The following KPNA1 variants were observed in gnomAD, a reference collection of about 807,000 sequenced individuals.
KPNA1 encodes karyopherin subunit alpha 1, also known as importin subunit alpha-5.
A neutral mutation model predicts 70.5 loss-of-function variants in KPNA1; 10 were observed. That is an observed-to-expected ratio of 0.14 (90% confidence interval 0.09 to 0.24). The LOEUF (loss-of-function observed/expected upper bound fraction) is 0.24. Among genes scored for constraint, KPNA1 ranks in the 10% least tolerant of loss-of-function variants. The pLI is 1.00. For synonymous variants in KPNA1, 192 were observed against 221.9 expected, an observed-to-expected ratio of 0.87 and a Z score of 1.20; for missense variants, 397 against 637.9, an observed-to-expected ratio of 0.62 and a Z score of 4.07.
intron 9 of KPNA1, among the ~76,000 whole-genome samples, chr3:122,444,856 A>G (rs1261330551): frequency 6.6e-6 from 1 of 152,234 alleles, no homozygotes; most frequent in Non-Finnish European, 1.5e-5. Context: ...AATAGCATCA[A>G]CATCAACAAA....
intron 1 of KPNA1, among the ~76,000 whole-genome samples, chr3:122,510,060 G>A (rs957944645): frequency 2.6e-5 from 4 of 152,116 alleles, no homozygotes; most frequent in Non-Finnish European, 4.4e-5. Flanking sequence ...GAAAACAATA[G>A]AACTATGACT....
intron 10 of KPNA1, 65 bp from the exon 11 acceptor site, chr3:122,437,360 G>A: frequency 1.6e-6 from 2 of 1,216,508 alleles, no homozygotes; most frequent in African/African-American, 1.5e-5. Flanking sequence ...TTAACTTAAG[G>A]AACACATTTT....
intron 2 of KPNA1, among the ~76,000 whole-genome samples, chr3:122,487,884 G>GT (rs1307066499): frequency 6.6e-6 from 1 of 152,064 alleles, no homozygotes; most frequent in African/African-American, 2.4e-5. Flanking sequence ...TTAAAAATGA[G>GT]TAAGAGGAAA....
chr3:122,429,340 A>G (rs918865850), intron 12 of KPNA1, among the ~76,000 whole-genome samples: 6 of 149,700 alleles, frequency 4.0e-5, no homozygotes, highest in African/African-American at 7.4e-5. Context: ...ATTCCCAGCT[A>G]CTTGGGAGGC....
At chr3:122,467,258 T>G (rs1171982198) in intron 3 of KPNA1, 64 bp downstream of exon 3, 2 of 893,258 alleles carry the variant, frequency 2.2e-6, no homozygotes, top group African/African-American at 3.4e-5. Context: ...TTTTTAAAAC[T>G]CAAAAGGAAA....
intron 1 of KPNA1, 122 bp downstream of exon 1, chr3:122,514,635 C>G (rs1457146359): frequency 6.6e-6 from 1 of 152,158 alleles, no homozygotes; most frequent in Non-Finnish European, 1.5e-5. Flanking sequence ...GCCCAGGAAC[C>G]CCGGCTCTAG....
chr3:122,474,505 A>G (rs1044709909), intron 2 of KPNA1, among the ~76,000 whole-genome samples: 1 of 152,218 alleles, frequency 6.6e-6, no homozygotes, highest in Non-Finnish European at 1.5e-5. Context: ...AACAGAATAG[A>G]GAGCCCAGAA....
At chr3:122,446,071 T>G (rs557996687) in intron 9 of KPNA1, among the ~76,000 whole-genome samples, 1 of 152,282 alleles carries the variant, frequency 6.6e-6, no homozygotes, top group African/African-American at 2.4e-5. Context: ...GCAATAATAA[T>G]GGGAGACTTT....
intron 2 of KPNA1, among the ~76,000 whole-genome samples, chr3:122,486,699 T>C (rs2076633377): frequency 6.6e-6 from 1 of 152,150 alleles, no homozygotes; most frequent in South Asian, 2.1e-4. Context: ...GCCATTCTCC[T>C]GCCTCAGCCT....
rs1282209759 is a variant in KPNA1 at position 122,461,285 on chromosome 3, G to A, written c.371C>T (p.Thr124Ile). Reference sequence around the variant, plus strand: ...CACAAACCTGGCCACTACTCCTGGTGTGCTGATAACTTCATCAATAGGAGG... The same window carrying A: ...CACAAACCTGGCCACTACTCCTGGTATGCTGATAACTTCATCAATAGGAGG... ...PNPPIDEVIS[T>I]PGVVARFVEF... is the part of the protein sequence containing the mutation. The change falls in exon 5 of 14, where the codon ACA (threonine) becomes ATA (isoleucine). Residue 124 changes from threonine to isoleucine, a missense_variant. Thr to Ile is a moderately conservative substitution (Grantham distance 89, BLOSUM62 -1). Transcript: ENST00000344337. 6.2e-7 allele frequency: 1 copy of A among 1,613,236 alleles called. No homozygotes were observed. Among genetic ancestry groups the A allele is most frequent in the Admixed American group, 1.7e-5 (1 of 59,996 alleles).
At chr3:122,449,460 C>A in intron 9 of KPNA1, 114 bp downstream of exon 9, 2 of 869,856 alleles carry the variant, frequency 2.3e-6, no homozygotes, top group African/African-American at 1.7e-5. Flanking sequence ...AAACAGTAGC[C>A]CAAAGCACAA....
rs72958406 is a variant in KPNA1, at chr3:122,425,480, C to A, written c.*1505G>T. ...CCTTCAGAATTCACTTTGAACAGCA[C>A]ATCAACAAAAAAATCTTCTCTGGTA... On this transcript the variant is annotated 3_prime_UTR_variant, in exon 14 of 14. Transcript: ENST00000344337. 2.0e-5 allele frequency: 3 copies of A among 152,540 alleles called. No individual in the cohort carries two copies. The highest frequency in any genetic ancestry group is 4.8e-5 in the African/African-American group (2 of 41,396). The allele number at this position is 152,540 out of a possible 1,614,324, so 9.4% of individuals were successfully genotyped here.
intron 2 of KPNA1, among the ~76,000 whole-genome samples, chr3:122,476,679 T>A (rs940401754): frequency 6.6e-6 from 1 of 151,542 alleles, no homozygotes; most frequent in Non-Finnish European, 1.5e-5. Flanking sequence ...CCATCACTCA[T>A]CACCAGGGAA....
intron 2 of KPNA1, among the ~76,000 whole-genome samples, chr3:122,467,666 A>G (rs1013484936): frequency 2.6e-5 from 4 of 152,158 alleles, no homozygotes; most frequent in African/African-American, 9.7e-5. Flanking sequence ...AAACTTACTA[A>G]GAGAGGTCTG....
intron 4 of KPNA1, among the ~76,000 whole-genome samples, chr3:122,463,681 C>G (rs1022423626): frequency 4.6e-5 from 7 of 152,256 alleles, no homozygotes; most frequent in African/African-American, 1.7e-4. Context: ...TAACATGATA[C>G]TGACTACTAT....
intron 2 of KPNA1, among the ~76,000 whole-genome samples, chr3:122,478,446 AC>A (rs950782578): frequency 3.3e-5 from 5 of 152,178 alleles, no homozygotes; most frequent in Non-Finnish European, 4.4e-5. Flanking sequence ...ACATGGTGAA[AC>A]CCCATCTCTA....
At chr3:122,491,926 A>G (rs888277167) in intron 2 of KPNA1, among the ~76,000 whole-genome samples, 1 of 123,896 alleles carries the variant, frequency 8.1e-6, no homozygotes, top group Admixed American at 1.1e-4. Flanking sequence ...CAGTGGCGCG[A>G]TCTCGACTCA....
intron 11 of KPNA1, among the ~76,000 whole-genome samples, chr3:122,436,846 C>T (rs1456338429): frequency 2.6e-5 from 4 of 152,186 alleles, no homozygotes; most frequent in Admixed American, 1.3e-4. Context: ...GGCACAATCT[C>T]GGCTCACTAC....
chr3:122,440,145 GAAAT>G (rs1184841299), intron 10 of KPNA1, among the ~76,000 whole-genome samples: 5 of 152,080 alleles, frequency 3.3e-5, no homozygotes, highest in Non-Finnish European at 7.4e-5. Context: ...CAGAGGCACA[GAAAT>G]AAACACTGAC....
Sources: gnomAD v4.1 joint callset for allele counts (sites outside exome capture counted in the v4.1 genomes callset) on GRCh38, gnomAD v4.1.1 for gene constraint, MANE v1.5 for transcripts, NCBI Gene and HGNC (gene_info 2026-07-23, HGNC 2026-07-21) for gene names.